Variants in MR1 observed in about 807,000 individuals in gnomAD.
MR1 encodes the protein major histocompatibility complex, class I-related, also known as major histocompatibility complex class I-related protein 1.
MR1 carries 44 observed loss-of-function variants against 37.8 expected under a neutral mutation model. The ratio of observed to expected loss-of-function variants is 1.16; its 90% confidence interval spans 0.91 to 1.50. The LOEUF (loss-of-function observed/expected upper bound fraction) is 1.50, where lower values mean the gene tolerates loss of function less well. Ranked by LOEUF, MR1 falls within the 40% of genes most tolerant of loss-of-function variation. The pLI, the probability that MR1 is intolerant of heterozygous loss-of-function variation, is 0.00. For missense variants in MR1, 386 were observed against 419.1 expected (o/e 0.92, Z 0.69); for synonymous variants, 153 against 155.8 (o/e 0.98, Z 0.13).
In MR1 at chr1:181,050,174, A is replaced by G; in HGVS notation, c.492A>G (p.Ala164=). The G allele has an allele frequency of 6.2e-7, 1 of 1,614,256 alleles. No individual in the cohort carries two copies. The highest frequency in any genetic ancestry group is 2.2e-5 in the East Asian group (1 of 44,884). ...ATGTGGCTCACACCATCAAGCAGGC[A>G]TGGGAGGCCAATCAGCATGAGTTGC... is the stretch of plus-strand genomic sequence containing the variant. ...VDNVAHTIKQ[A]WEANQHELLY... The change falls in exon 3 of 6, where the codon GCA becomes GCG. Residue 164 remains alanine (A), a synonymous_variant. Coordinates refer to ENST00000367580, the MANE Select transcript of MR1 (RefSeq NM_001385161.1).
chr1:181,051,944 G>A (rs909215252), intron 3 of MR1, among the ~76,000 whole-genome samples: 1 of 152,110 alleles, frequency 6.6e-6, no homozygotes, highest in African/African-American at 2.4e-5. Context: ...GTATTTCAAA[G>A]GTTACTAGTA....
rs1398598345 is a variant in MR1 at position 181,055,553 on chromosome 1, A to G, written c.*288A>G. 1.2e-5 allele frequency: 5 copies of G among 431,484 alleles called. No individual in the cohort carries two copies. Among genetic ancestry groups the G allele is most frequent in the East Asian group, 8.2e-5 (2 of 24,496 alleles). The allele number at this position is 431,484 out of a possible 1,614,324, so 26.7% of individuals were successfully genotyped here. On this transcript the variant is annotated 3_prime_UTR_variant, in exon 6 of 6. Transcript: ENST00000367580. ...ACGCTTCCCTACATTCTATTTGTCAATGATGATTTGCAACTAGTTGGAGAT... is the reference window on the plus strand; with the variant it reads ...ACGCTTCCCTACATTCTATTTGTCAGTGATGATTTGCAACTAGTTGGAGAT...
At chr1:181,049,941 C>A in intron 2 of MR1, 70 bp from the exon 3 acceptor site, 1 of 1,535,322 alleles carries the variant, frequency 6.5e-7, no homozygotes, top group South Asian at 1.2e-5. Flanking sequence ...AGCCATGCCC[C>A]TGCTCCCAGC....
intron 1 of MR1, among the ~76,000 whole-genome samples, chr1:181,043,646 G>A (rs1369660006): frequency 6.6e-6 from 1 of 152,142 alleles, no homozygotes; most frequent in Non-Finnish European, 1.5e-5. Context: ...AGGCTACAGT[G>A]AGCTGTGATC....
intron 1 of MR1, among the ~76,000 whole-genome samples, chr1:181,037,745 T>A (rs191953093): frequency 1.3e-3 from 197 of 152,340 alleles, no homozygotes; most frequent in Admixed American, 2.9e-3. Context: ...CTTCAAAGGA[T>A]CATTTTAGAA....
intron 2 of MR1, 194 bp downstream of exon 2, chr1:181,049,506 G>A (rs1658162448): frequency 3.1e-6 from 2 of 654,310 alleles, no homozygotes; most frequent in East Asian, 2.8e-5. Context: ...TCCCCCAGGA[G>A]CACTCTGTCA....
chr1:181,041,458 CT>C (rs1236288702), intron 1 of MR1, among the ~76,000 whole-genome samples: 1 of 152,232 alleles, frequency 6.6e-6, no homozygotes, highest in East Asian at 1.9e-4. Flanking sequence ...AACACAGCAT[CT>C]TTTTTTCTTC....
chr1:181,045,394 C>T (rs955981135), intron 1 of MR1, among the ~76,000 whole-genome samples: 1 of 151,992 alleles, frequency 6.6e-6, no homozygotes, highest in Admixed American at 6.6e-5. Flanking sequence ...GCTCCACCTC[C>T]CAGGCATCGC....
intron 1 of MR1, among the ~76,000 whole-genome samples, chr1:181,038,671 C>G (rs190248725): frequency 7.2e-5 from 11 of 152,162 alleles, no homozygotes; most frequent in Admixed American, 2.0e-4. Flanking sequence ...TGGAAAGCTT[C>G]CCCTACACTA....
chr1:181,049,068 A>G lies in MR1; in HGVS notation c.84A>G (p.Arg28=). 6.2e-7 allele frequency: 1 copy of G among 1,613,956 alleles called. No homozygotes were observed. Among genetic ancestry groups the G allele is most frequent in the Non-Finnish European group, 8.5e-7 (1 of 1,179,864 alleles). ...KHSDSRTHSL[R]YFRLGVSDPI... is the part of the protein sequence containing the mutation. ...CCTTTCCAGGGACGCACTCTCTGAGATATTTTCGCCTGGGCGTTTCGGATC... is the reference window on the plus strand; with the variant it reads ...CCTTTCCAGGGACGCACTCTCTGAGGTATTTTCGCCTGGGCGTTTCGGATC... Residue 28 remains arginine (R), a synonymous_variant, in exon 2 of 6, where the codon AGA becomes AGG. Coordinates refer to ENST00000367580, the MANE Select transcript of MR1 (RefSeq NM_001385161.1).
At chr1:181,045,462 G>T (rs930718564) in intron 1 of MR1, among the ~76,000 whole-genome samples, 16 of 151,972 alleles carry the variant, frequency 1.1e-4, no homozygotes, top group African/African-American at 3.9e-4. Context: ...TGGTTCCCAT[G>T]CACGCCCCGC....
chr1:181,046,981 C>T (rs909825323), intron 1 of MR1, among the ~76,000 whole-genome samples: 6 of 152,130 alleles, frequency 3.9e-5, no homozygotes, highest in African/African-American at 1.4e-4. Flanking sequence ...ACTCCAGACG[C>T]GCCACCTTAA....
At chr1:181,035,853 T>C (rs1347129045) in intron 1 of MR1, among the ~76,000 whole-genome samples, 2 of 152,082 alleles carry the variant, frequency 1.3e-5, no homozygotes. Flanking sequence ...ACTTTGATAA[T>C]TGGGGGGACA....
intron 1 of MR1, among the ~76,000 whole-genome samples, chr1:181,047,177 C>T (rs1184992257): frequency 6.6e-6 from 1 of 152,062 alleles, no homozygotes; most frequent in Non-Finnish European, 1.5e-5. Flanking sequence ...GAGGGCCAAA[C>T]AGTTTTGTTT....
rs1303271552 is a variant in MR1, at chr1:181,061,388, G to T, written c.*6123G>T. On this transcript the variant is annotated 3_prime_UTR_variant, in exon 6 of 6. Coordinates refer to ENST00000367580, the MANE Select transcript of MR1 (RefSeq NM_001385161.1). ...AGATTTTGGTCCCGTTTGTTCCCCA[G>T]TGGGGTATCTATCCTTGTGCAGGGC... The T allele has an allele frequency of 6.6e-6, 1 of 152,242 alleles. No individual in the cohort carries two copies. The highest frequency in any genetic ancestry group is 6.5e-5 in the Admixed American group (1 of 15,284). The allele number at this position is 152,242 out of a possible 1,614,324, so 9.4% of individuals were successfully genotyped here.
At chr1:181,037,577 A>G (rs554062281) in intron 1 of MR1, among the ~76,000 whole-genome samples, 1 of 152,350 alleles carries the variant, frequency 6.6e-6, no homozygotes, top group East Asian at 1.9e-4. Context: ...GGAGGAAAGG[A>G]GCCTAAGTTA....
intron 1 of MR1, among the ~76,000 whole-genome samples, chr1:181,046,539 G>A (rs889204678): frequency 3.3e-5 from 5 of 152,176 alleles, no homozygotes; most frequent in Non-Finnish European, 5.9e-5. Flanking sequence ...GTCTAGCTGA[G>A]GGATGGTAAA....
At chr1:181,048,977 G>A in intron 1 of MR1, 75 bp from the exon 2 acceptor site, 1 of 1,549,886 alleles carries the variant, frequency 6.5e-7, no homozygotes, top group Non-Finnish European at 8.8e-7. Flanking sequence ...CACTCGTGTG[G>A]GGCTAAATGA....
intron 3 of MR1, 36 bp from the exon 4 acceptor site, chr1:181,052,199 A>G (rs1406304815): frequency 3.1e-6 from 5 of 1,607,196 alleles, no homozygotes; most frequent in Non-Finnish European, 4.3e-6. Context: ...TCAGTACATA[A>G]GGCACTTTGA....
Sources: allele counts gnomAD v4.1 joint callset (sites outside exome capture counted in the v4.1 genomes callset), GRCh38; gene constraint gnomAD v4.1.1; transcripts MANE v1.5; gene names NCBI Gene and HGNC (gene_info 2026-07-23, HGNC 2026-07-21).